Variants in CNBP observed in about 807,000 individuals in gnomAD.
CNBP encodes the protein CCHC-type zinc finger nucleic acid binding protein.
Under a neutral mutation model 21.2 loss-of-function variants are expected in CNBP, and 6 were observed. That is an observed-to-expected ratio of 0.28 (90% CI 0.16 to 0.56). CNBP has a LOEUF of 0.56. Among genes scored for constraint, CNBP ranks in the 20% least tolerant of loss-of-function variants. The pLI, the probability that CNBP is intolerant of heterozygous loss-of-function variation, is 0.93. For synonymous variants in CNBP, 61 were observed against 74.9 expected (o/e 0.81, Z 0.96); for missense variants, 112 against 233.1 (o/e 0.48, Z 3.38).
At chr3:129,173,862 C>T (rs566731198) in intron 1 of CNBP, among the ~76,000 whole-genome samples, 2 of 152,234 alleles carry the variant, frequency 1.3e-5, no homozygotes, top group African/African-American at 4.8e-5. Flanking sequence ...AGTGGATAAT[C>T]GAATTAGCTA....
chr3:129,179,610 C>G (rs1938150716), intron 1 of CNBP, among the ~76,000 whole-genome samples: 1 of 152,134 alleles, frequency 6.6e-6, no homozygotes, highest in East Asian at 1.9e-4. Context: ...GTGGCTCATG[C>G]CTGTAATCCC....
At chr3:129,180,510 A>C (rs1437815025) in intron 1 of CNBP, among the ~76,000 whole-genome samples, 1 of 152,228 alleles carries the variant, frequency 6.6e-6, no homozygotes, top group Non-Finnish European at 1.5e-5. Flanking sequence ...ATTACAACTT[A>C]AAATTTGGTG....
intron 1 of CNBP, among the ~76,000 whole-genome samples, chr3:129,176,074 T>C (rs1937886049): frequency 6.6e-6 from 1 of 152,202 alleles, no homozygotes; most frequent in Non-Finnish European, 1.5e-5. Context: ...GTCCCCATCC[T>C]AGCACTCATC....
intron 1 of CNBP, among the ~76,000 whole-genome samples, chr3:129,180,819 G>T (rs1467058248): frequency 6.6e-6 from 1 of 150,404 alleles, no homozygotes; most frequent in Non-Finnish European, 1.5e-5. Context: ...GAATCTCTCT[G>T]TGGTCAAATC....
At chr3:129,180,107 G>C (rs1324171566) in intron 1 of CNBP, among the ~76,000 whole-genome samples, 2 of 151,364 alleles carry the variant, frequency 1.3e-5, no homozygotes, top group African/African-American at 2.4e-5. Context: ...TTTTAAGGTA[G>C]GGAATTATAC....
Position 129,181,649 on chromosome 3 carries a change from C to CA in CNBP, c.-15+2126dup, listed in dbSNP as rs1367375702. Among the ~76,000 whole-genome samples, 79 of 72,216 alleles carry CA rather than the reference C, an allele frequency of 1.1e-3. 11 individuals carry two copies. The highest frequency in any genetic ancestry group is 5.1e-3 in the African/African-American group (73 of 14,204). 47.4% of individuals were successfully genotyped at this position (72,216 alleles called of 152,430 possible). A position where few individuals can be genotyped will look rare whatever the true frequency, so the allele number is the denominator to read the frequency against. On this transcript the variant is annotated intron_variant, in intron 1 of 4. Transcript: ENST00000422453. ...TGGGCGACAGAGTGAGACTCCGTCTCAGAAAAAAAAAAAGAAAAACCCCTG... is the reference window on the plus strand; with the variant it reads ...TGGGCGACAGAGTGAGACTCCGTCTCAAGAAAAAAAAAAAGAAAAACCCCTG...
Position 129,167,832 on chromosome 3 carries a change from T to C in CNBP, c.*2621A>G, listed in dbSNP as rs1271775663. On this transcript the variant is annotated 3_prime_UTR_variant, in exon 5 of 5. Transcript: ENST00000422453. ...TTCATACATATGGTAGAAAATAAAATTGTCAAGATATTTATTGTGTTAACA... is the reference window on the plus strand; with the variant it reads ...TTCATACATATGGTAGAAAATAAAACTGTCAAGATATTTATTGTGTTAACA... 6.6e-6 allele frequency among the ~76,000 whole-genome samples: 1 copy of C among 152,224 alleles called. No individual in the cohort carries two copies. Among genetic ancestry groups the C allele is most frequent in the African/African-American group, 2.4e-5 (1 of 41,472 alleles).
chr3:129,175,558 T>C (rs889411818), intron 1 of CNBP, among the ~76,000 whole-genome samples: 4 of 150,190 alleles, frequency 2.7e-5, no homozygotes, highest in African/African-American at 7.3e-5. Flanking sequence ...GCCTCCCACA[T>C]AGCTGGGACT....
intron 1 of CNBP, among the ~76,000 whole-genome samples, chr3:129,178,880 C>A (rs1018089188): frequency 9.2e-5 from 14 of 152,108 alleles, no homozygotes; most frequent in African/African-American, 3.4e-4. Flanking sequence ...GTAGCTGGGA[C>A]TACAGGTGCC....
intron 1 of CNBP, among the ~76,000 whole-genome samples, chr3:129,172,343 AGGCTGAAGCGGGTG>A (rs1937588379): frequency 6.6e-6 from 1 of 152,006 alleles, no homozygotes; most frequent in Non-Finnish European, 1.5e-5. Context: ...GCACTTTGGG[AGGCTGAAGCGGGTG>A]GACCATCTGA....
intron 1 of CNBP, among the ~76,000 whole-genome samples, chr3:129,182,178 C>A (rs763818329): frequency 6.6e-6 from 1 of 152,034 alleles, no homozygotes; most frequent in Non-Finnish European, 1.5e-5. Flanking sequence ...TAACTGGTTA[C>A]GTTTCACTCC....
chr3:129,174,158 T>G (rs1937722845), intron 1 of CNBP, among the ~76,000 whole-genome samples: 1 of 152,046 alleles, frequency 6.6e-6, no homozygotes, highest in Non-Finnish European at 1.5e-5. Context: ...TATATGGCTA[T>G]GAGTTACTGG....
chr3:129,177,928 G>A (rs76611332), intron 1 of CNBP, among the ~76,000 whole-genome samples: 1,978 of 152,206 alleles, frequency 0.013, 31 homozygotes, highest in African/African-American at 0.045. Flanking sequence ...GGGAGGCCGA[G>A]GCAGATGCAT....
In CNBP at chr3:129,172,648, GCAGGCAGGCAGACAGACAGA is replaced by G. The variant is rs1414998940; in HGVS notation, c.-14-897_-14-878del. 4.3e-4 allele frequency among the ~76,000 whole-genome samples: 48 copies of G among 110,484 alleles called. 1 individual carries two copies. Among genetic ancestry groups the G allele is most frequent in the African/African-American group, 9.4e-4 (27 of 28,752 alleles). The allele number at this position is 110,484 out of a possible 152,430, so 72.5% of individuals were successfully genotyped here. A position where few individuals can be genotyped will look rare whatever the true frequency, so the allele number is the denominator to read the frequency against. The stretch of plus-strand genomic sequence containing the variant: ...GCCAGGCAGGCAGGCAGGCAGGCAG[GCAGGCAGGCAGACAGACAGA>G]CAGACAGACAGACAGACAGACAGAC... On this transcript the variant is annotated intron_variant, in intron 1 of 4. Coordinates refer to ENST00000422453, the MANE Select transcript of CNBP (RefSeq NM_003418.5).
rs1938014867 is a variant in CNBP at position 129,177,800 on chromosome 3, ACC to A, written c.-15+5974_-15+5975del. ...TGTGTATCAAATGTTTATGACACAA[ACC>A]ACTTTAAAGGGTGGTAGGAGCACAG... On this transcript the variant is annotated intron_variant, in intron 1 of 4. Coordinates refer to ENST00000422453, the MANE Select transcript of CNBP (RefSeq NM_003418.5). Among the ~76,000 whole-genome samples the A allele has an allele frequency of 3.3e-5, 5 of 152,268 alleles. No individual in the cohort carries two copies. In the South Asian group the frequency reaches 1.0e-3, roughly 32 times the overall value.
rs981330190 is a variant in CNBP, at chr3:129,169,707, T to C, written c.*746A>G. 5.1e-5 allele frequency: 11 copies of C among 214,956 alleles called. No individual in the cohort carries two copies. The highest frequency in any genetic ancestry group is 1.6e-4 in the African/African-American group (7 of 44,282). 13.3% of individuals were successfully genotyped at this position (214,956 alleles called of 1,614,324 possible). On this transcript the variant is annotated 3_prime_UTR_variant, in exon 5 of 5. Coordinates refer to ENST00000422453, the MANE Select transcript of CNBP (RefSeq NM_003418.5). ...ATGAAACACAGTTGTCTAAGTGATA[T>C]AGTATACAAAAATAACATCTTGATT... is the stretch of plus-strand genomic sequence containing the variant.
Position 129,171,205 on chromosome 3 carries a change from C to T in CNBP, c.290G>A (p.Cys97Tyr). 2 of 1,614,254 alleles carry T rather than the reference C, an allele frequency of 1.2e-6. No homozygotes were observed. The highest frequency in any genetic ancestry group is 1.7e-6 in the Non-Finnish European group (2 of 1,180,040). The change falls in exon 4 of 5, where the codon TGC (cysteine) becomes TAC (tyrosine). Residue 97 changes from cysteine to tyrosine, a missense_variant. By Grantham distance (194) the Cys-to-Tyr change is radical. Transcript: ENST00000422453. ...GCCTGGTTTGCCACAGTTGTAGCAG[C>T]ATTGCTCTCGCTCTCTCTTGGGCTC... The part of the protein sequence containing the change: ...CKEPKREREQ[C>Y]CYNCGKPGHL...
intron 1 of CNBP, among the ~76,000 whole-genome samples, chr3:129,181,450 G>A (rs965858698): frequency 6.8e-5 from 10 of 146,356 alleles, no homozygotes; most frequent in Non-Finnish European, 3.0e-5. Context: ...TCAGGAGTTC[G>A]AGACCAGCCT....
chr3:129,174,102 TCTA>T (rs930982471), intron 1 of CNBP, among the ~76,000 whole-genome samples: 2 of 152,170 alleles, frequency 1.3e-5, no homozygotes, highest in Non-Finnish European at 2.9e-5. Context: ...GAGAAATCTT[TCTA>T]CTAACTCTTG....
Sources: gnomAD v4.1 joint callset for allele counts (sites outside exome capture counted in the v4.1 genomes callset) on GRCh38, gnomAD v4.1.1 for gene constraint, MANE v1.5 for transcripts, NCBI Gene and HGNC (gene_info 2026-07-23, HGNC 2026-07-21) for gene names.